BLOC1S3: variants seen among roughly 807,000 people sequenced by gnomAD.
BLOC1S3 encodes the protein biogenesis of lysosomal organelles complex 1 subunit 3.
A neutral mutation model predicts 9.1 loss-of-function variants in BLOC1S3; 7 were observed. That is an observed-to-expected ratio of 0.77 (90% CI 0.44 to 1.45). The LOEUF (loss-of-function observed/expected upper bound fraction) is 1.45, where lower values mean the gene tolerates loss of function less well. Ranked by LOEUF, BLOC1S3 falls within the 40% of genes most tolerant of loss-of-function variation. The pLI is 0.01. For synonymous variants in BLOC1S3, 145 were observed against 158.4 expected (o/e 0.92, Z 0.64); for missense variants, 307 against 315.2 (o/e 0.97, Z 0.20).
intron 3 of BLOC1S3, chr19:45,216,041 C>G (rs765623086): frequency 1.9e-6 from 3 of 1,609,936 alleles, no homozygotes; most frequent in Non-Finnish European, 2.5e-6. Flanking sequence ...CGGCCAGGCA[C>G]GGCGAGCCCT....
rs188074166 is a variant in BLOC1S3, at chr19:45,206,601, G to T, written n.282+4094G>T. On this transcript the variant is annotated intron_variant and non_coding_transcript_variant, in intron 3 of 3. Coordinates refer to the BLOC1S3 transcript ENST00000591569. Reference sequence around the variant, plus strand: ...CTCTCCAGTAGCTGAGACTATAGGCGTGTGCCCCCACACCTAGTTAAATTT... The same window carrying T: ...CTCTCCAGTAGCTGAGACTATAGGCTTGTGCCCCCACACCTAGTTAAATTT... Among the ~76,000 whole-genome samples the T allele has an allele frequency of 3.2e-3, 468 of 148,078 alleles. 1 individual carries two copies. The highest frequency in any genetic ancestry group is 0.011 in the African/African-American group (450 of 39,954).
rs200767686 is a variant in BLOC1S3 at position 45,179,290 on chromosome 19, C to A, written c.-7C>A. On this transcript the variant is annotated splice_region_variant and 5_prime_UTR_variant, in exon 2 of 2. Coordinates refer to ENST00000433642, the MANE Select transcript of BLOC1S3 (RefSeq NM_212550.5). The surrounding 1 kb of genome is among the most constrained non-coding windows in gnomAD (Gnocchi z 4.6). ...GTCCCTTCGCTCTTCTCCCCTAGTT[C>A]GGTGCCATGGCGTCCCAGGGTCGTC... is the stretch of plus-strand genomic sequence containing the variant. The A allele has an allele frequency of 2.5e-5, 39 of 1,575,458 alleles. No individual in the cohort carries two copies. The highest frequency in any genetic ancestry group is 3.2e-5 in the Non-Finnish European group (38 of 1,169,894).
chr19:45,203,494 G>A (rs1018040529), intron 3 of BLOC1S3, among the ~76,000 whole-genome samples: 28 of 152,102 alleles, frequency 1.8e-4, no homozygotes, highest in Non-Finnish European at 2.9e-5. Context: ...GGCTGGTCTC[G>A]AACTCCTGAC....
intron 2 of BLOC1S3, among the ~76,000 whole-genome samples, chr19:45,191,240 A>G (rs1432117955): frequency 6.6e-6 from 1 of 151,998 alleles, no homozygotes; most frequent in Non-Finnish European, 1.5e-5. Context: ...CTCATGCCTC[A>G]GCCTCCCGAG....
At chr19:45,202,993 A>C (rs1223224477) in intron 3 of BLOC1S3, among the ~76,000 whole-genome samples, 1 of 151,952 alleles carries the variant, frequency 6.6e-6, no homozygotes, top group Non-Finnish European at 1.5e-5. Context: ...CTGGTGCCCT[A>C]TCCTCCTATG....
chr19:45,193,952 A>G (rs1016970858), intron 2 of BLOC1S3, among the ~76,000 whole-genome samples: 37 of 113,784 alleles, frequency 3.3e-4, no homozygotes, highest in African/African-American at 8.4e-4. Flanking sequence ...ACAGGCACCC[A>G]CCACCACGCC....
At chr19:45,213,437 AC>A (rs1230769956) in intron 3 of BLOC1S3, 13 of 1,532,712 alleles carry the variant, frequency 8.5e-6, no homozygotes, top group East Asian at 4.7e-5. Context: ...ACCCCACCTG[AC>A]CCCCTCACCT....
At chr19:45,208,257 C>G (rs1969742353) in intron 3 of BLOC1S3, among the ~76,000 whole-genome samples, 1 of 150,920 alleles carries the variant, frequency 6.6e-6, no homozygotes, top group Admixed American at 6.6e-5. Flanking sequence ...CAGGCATGAG[C>G]CACCACACCC....
At position 45,179,336 on chromosome 19, in the gene BLOC1S3, C is replaced by T. The variant is rs1300614084; in HGVS notation, c.40C>T (p.Pro14Ser). Reference protein sequence around the residue: ...QGRRRRPLRRPETVVPGEATE... With the variant: ...QGRRRRPLRRSETVVPGEATE... The stretch of plus-strand genomic sequence containing the variant: ...TCGTCGGCGGAGGCCCCTGCGGAGG[C>T]CGGAGACGGTGGTGCCGGGGGAGGC... The change falls in exon 2 of 2, where the codon CCG (proline) becomes TCG (serine). Residue 14 changes from proline to serine, a missense_variant. Transcript: ENST00000433642. This position sits in a 1 kb window ranked among gnomAD's most constrained non-coding sequence, Gnocchi z 4.6. 6.3e-7 allele frequency: 1 copy of T among 1,586,660 alleles called. No individual in the cohort carries two copies. The highest frequency in any genetic ancestry group is 1.4e-5 in the African/African-American group (1 of 73,434).
At position 45,179,732 on chromosome 19, in the gene BLOC1S3, C is replaced by T. The variant is rs1969484276; in HGVS notation, c.436C>T (p.Leu146=). ...GRDVAALASR[L]AAAQAAGLAA... is the part of the protein sequence containing the mutation. ...CGACGTGGCCGCCCTGGCTAGTAGG[C>T]TGGCGGCAGCCCAGGCGGCGGGGCT... The change falls in exon 2 of 2, where the codon CTG becomes TTG. Residue 146 remains leucine (L), a synonymous_variant. Coordinates refer to ENST00000433642, the MANE Select transcript of BLOC1S3 (RefSeq NM_212550.5). This position sits in a 1 kb window ranked among gnomAD's most constrained non-coding sequence, Gnocchi z 4.6. 2.1e-6 allele frequency: 3 copies of T among 1,460,530 alleles called. No individual in the cohort carries two copies. Among genetic ancestry groups the T allele is most frequent in the Non-Finnish European group, 9.0e-7 (1 of 1,115,160 alleles). 90.5% of individuals were successfully genotyped at this position (1,460,530 alleles called of 1,614,324 possible). A position where few individuals can be genotyped will look rare whatever the true frequency, so the allele number is the denominator to read the frequency against.
In BLOC1S3 at chr19:45,179,694, G is replaced by A; in HGVS notation, c.398G>A (p.Arg133His). ...GCGGCCGCCGTGAGCGGTGTCTACC[G>A]CCGTGCAGGCCGCGACGTGGCCGCC... ...DVAAAVSGVY[R>H]RAGRDVAALA... Residue 133 changes from arginine (R) to histidine (H), a missense_variant, in exon 2 of 2, where the codon CGC (arginine) becomes CAC (histidine). Arg to His is a conservative substitution (Grantham distance 29). Transcript: ENST00000433642. This position sits in a 1 kb window ranked among gnomAD's most constrained non-coding sequence, Gnocchi z 4.6. The A allele has an allele frequency of 6.8e-7, 1 of 1,462,132 alleles. No homozygotes were observed. The highest frequency in any genetic ancestry group is 2.5e-5 in the Admixed American group (1 of 39,346). 90.6% of individuals were successfully genotyped at this position (1,462,132 alleles called of 1,614,324 possible).
chr19:45,206,615 CTAGT>C (rs1969729469), intron 3 of BLOC1S3, among the ~76,000 whole-genome samples: 2 of 133,626 alleles, frequency 1.5e-5, no homozygotes, highest in Non-Finnish European at 3.1e-5. Context: ...GCCCCCACAC[CTAGT>C]TAAATTTTTT....
downstream of BLOC1S3, chr19:45,181,902 A>T: frequency 6.1e-6 from 1 of 163,718 alleles, no homozygotes. Context: ...TGGCTTATGG[A>T]AGGTGAAGCT....
At chr19:45,208,898 T>G (rs1969747420) in intron 3 of BLOC1S3, among the ~76,000 whole-genome samples, 1 of 151,922 alleles carries the variant, frequency 6.6e-6, no homozygotes, top group African/African-American at 2.4e-5. Context: ...GATAAAGTAA[T>G]GCTTAGAAAG....
intron 2 of BLOC1S3, among the ~76,000 whole-genome samples, chr19:45,198,451 T>C (rs1937234691): frequency 6.7e-6 from 1 of 150,020 alleles, no homozygotes; most frequent in Non-Finnish European, 1.5e-5. Flanking sequence ...GCCACCACGC[T>C]CAGCTAACTT....
chr19:45,204,684 C>A (rs1969714772), intron 3 of BLOC1S3, among the ~76,000 whole-genome samples: 1 of 152,152 alleles, frequency 6.6e-6, no homozygotes, highest in Admixed American at 6.6e-5. Context: ...TGCCTCTTGC[C>A]ATGCCCAGCT....
chr19:45,206,926 C>T lies in BLOC1S3; in HGVS notation n.282+4419C>T, dbSNP rs557970096. On this transcript the variant is annotated intron_variant and non_coding_transcript_variant, in intron 3 of 3. Coordinates refer to the BLOC1S3 transcript ENST00000591569. ...GACCTAGGCTCACTACAACCTCTGCCGCCTGGGTTCAACTGATTCCCCTGC... is the reference window on the plus strand; with the variant it reads ...GACCTAGGCTCACTACAACCTCTGCTGCCTGGGTTCAACTGATTCCCCTGC... Among the ~76,000 whole-genome samples the T allele has an allele frequency of 7.2e-5, 11 of 152,190 alleles. No homozygotes were observed. In the East Asian group the frequency reaches 1.7e-3, roughly 24 times the overall value.
At chr19:45,192,352 T>A (rs2109065) in intron 2 of BLOC1S3, among the ~76,000 whole-genome samples, 55,541 of 151,926 alleles carry the variant, frequency 0.37, 11,204 homozygotes, top group Admixed American at 0.44. Context: ...GGTCCAGAAA[T>A]GACATCCAAG....
chr19:45,206,462 T>TGTTTTTTTTTTG (rs1555754631), intron 3 of BLOC1S3, among the ~76,000 whole-genome samples: 1 of 115,446 alleles, frequency 8.7e-6, no homozygotes, highest in East Asian at 2.5e-4. Flanking sequence ...TTTTTTTTTT[T>TGTTTTTTTTTTG]TTTTTTTTTT....
Sources: gnomAD v4.1 joint callset for allele counts (sites outside exome capture counted in the v4.1 genomes callset) on GRCh38, gnomAD v4.1.1 for gene constraint, Gnocchi (gnomAD v3.1) non-coding constraint, MANE v1.5 for transcripts, NCBI Gene and HGNC (gene_info 2026-07-23, HGNC 2026-07-21) for gene names.